The following KALRN variants were observed in gnomAD, a reference collection of about 807,000 sequenced individuals.
KALRN encodes the protein kalirin.
A neutral mutation model predicts 353.7 loss-of-function variants in KALRN; 70 were observed. The ratio of observed to expected loss-of-function variants is 0.20; its 90% confidence interval spans 0.16 to 0.24. The LOEUF (loss-of-function observed/expected upper bound fraction) is 0.24, where lower values mean the gene tolerates loss of function less well. KALRN is among the 10% of genes least tolerant of loss of function. The pLI is 1.00. For synonymous variants in KALRN, 1,391 were observed against 1,434.8 expected, an observed-to-expected ratio of 0.97 and a Z score of 0.69; for missense variants, 2,791 against 3,756.7, an observed-to-expected ratio of 0.74 and a Z score of 6.72.
At chr3:124,252,820 A>G (rs1018247380) in intron 3 of KALRN, among the ~76,000 whole-genome samples, 3 of 152,210 alleles carry the variant, frequency 2.0e-5, no homozygotes, top group Non-Finnish European at 4.4e-5. Flanking sequence ...TGAGCAGCAC[A>G]GGGAGCCCCA....
At chr3:124,521,930 G>A (rs1009878345) in intron 33 of KALRN, among the ~76,000 whole-genome samples, 2 of 152,082 alleles carry the variant, frequency 1.3e-5, no homozygotes, top group African/African-American at 4.8e-5. Flanking sequence ...TGGAGCTAGG[G>A]ACACAGCAGT....
chr3:124,583,635 C>T (rs1436666577), intron 34 of KALRN, among the ~76,000 whole-genome samples: 1 of 152,044 alleles, frequency 6.6e-6, no homozygotes, highest in East Asian at 1.9e-4. Context: ...AGAAACATGG[C>T]CTGAGAAGGG....
intron 1 of KALRN, among the ~76,000 whole-genome samples, chr3:124,055,028 A>C (rs1322684412): frequency 6.6e-6 from 1 of 152,188 alleles, no homozygotes; most frequent in Non-Finnish European, 1.5e-5. Context: ...AAGTGGGTGA[A>C]TTCCTCATCT....
intron 23 of KALRN, among the ~76,000 whole-genome samples, chr3:124,459,501 C>A (rs2059645224): frequency 6.6e-6 from 1 of 152,190 alleles, no homozygotes; most frequent in Admixed American, 6.6e-5. Flanking sequence ...TCAGAAAAGT[C>A]CTGACTCCAG....
chr3:124,601,433 A>G (rs921665505), intron 34 of KALRN, among the ~76,000 whole-genome samples: 1 of 152,206 alleles, frequency 6.6e-6, no homozygotes, highest in African/African-American at 2.4e-5. Flanking sequence ...GTCTCAAACT[A>G]TTGGCCTTTT....
chr3:124,038,342 G>T (rs150272656), intron 1 of KALRN, among the ~76,000 whole-genome samples: 129 of 152,216 alleles, frequency 8.5e-4, no homozygotes, highest in African/African-American at 3.0e-3. Flanking sequence ...TCAGCTACTT[G>T]CAGAGTTTAT....
chr3:124,122,067 A>C (rs769664151), intron 1 of KALRN, among the ~76,000 whole-genome samples: 2 of 152,176 alleles, frequency 1.3e-5, no homozygotes, highest in Admixed American at 6.5e-5. Flanking sequence ...GCACTTGCCA[A>C]ATGGTGAGAT....
intron 22 of KALRN, among the ~76,000 whole-genome samples, chr3:124,455,890 A>G (rs992858909): frequency 6.6e-6 from 1 of 152,218 alleles, no homozygotes; most frequent in African/African-American, 2.4e-5. Flanking sequence ...CTGTGAATTA[A>G]GAGCTTAATA....
chr3:124,110,475 A>ATG lies in KALRN; in HGVS notation c.73+76662_73+76663insTG, dbSNP rs1559977243. The stretch of plus-strand genomic sequence containing the variant: ...TTCATATATACACACGCGCGCACAC[A>ATG]CACACACACACACACACACACATTG... On this transcript the variant is annotated intron_variant, in intron 1 of 59. Transcript: ENST00000682506. Among the ~76,000 whole-genome samples the ATG allele has an allele frequency of 9.4e-4, 142 of 150,858 alleles. 1 individual carries two copies. Among genetic ancestry groups the ATG allele is most frequent in the African/African-American group, 3.2e-3 (129 of 40,858 alleles).
intron 10 of KALRN, among the ~76,000 whole-genome samples, chr3:124,367,652 A>G: frequency 8.9e-5 from 1 of 11,198 alleles, no homozygotes; most frequent in Non-Finnish European, 1.7e-4. Flanking sequence ...GACCGCCCCC[A>G]CCTCCCTCCC....
chr3:124,601,534 T>G (rs192776777), intron 34 of KALRN, among the ~76,000 whole-genome samples: 37 of 152,308 alleles, frequency 2.4e-4, no homozygotes, highest in Admixed American at 2.4e-3. Flanking sequence ...CAATTGTTAT[T>G]AAAAAGAGAT....
intron 11 of KALRN, among the ~76,000 whole-genome samples, chr3:124,390,609 A>G (rs3772736): frequency 0.022 from 3,298 of 152,262 alleles, 124 homozygotes; most frequent in East Asian, 0.094. Flanking sequence ...GATGTCCAGG[A>G]AAAATTATCT....
chr3:124,265,728 A>C (rs2073445064), intron 4 of KALRN, among the ~76,000 whole-genome samples: 1 of 152,222 alleles, frequency 6.6e-6, no homozygotes, highest in Admixed American at 6.5e-5. Flanking sequence ...ATATATACAC[A>C]TGTGCATAAA....
intron 57 of KALRN, among the ~76,000 whole-genome samples, chr3:124,704,226 G>A (rs565534068): frequency 2.0e-5 from 3 of 152,256 alleles, no homozygotes; most frequent in South Asian, 2.1e-4. Context: ...ATAATGGGCC[G>A]ATTAAATCCC....
chr3:124,652,626 G>T (rs2083537885), intron 38 of KALRN, among the ~76,000 whole-genome samples: 1 of 152,188 alleles, frequency 6.6e-6, no homozygotes. Flanking sequence ...GCCCAGGCCA[G>T]AGTGCAGTGG....
At chr3:124,662,193 CT>C (rs10549005) in intron 45 of KALRN, among the ~76,000 whole-genome samples, 17,097 of 96,816 alleles carry the variant, frequency 0.18, 1,249 homozygotes, top group African/African-American at 0.26. Context: ...ACCCAGAATT[CT>C]TTTTTTTTTT....
chr3:124,684,020 T>C (rs1267863747), intron 51 of KALRN, among the ~76,000 whole-genome samples: 1 of 152,230 alleles, frequency 6.6e-6, no homozygotes, highest in Non-Finnish European at 1.5e-5. Flanking sequence ...TCAATGGCAT[T>C]AAGTCCCTTC....
intron 13 of KALRN, among the ~76,000 whole-genome samples, chr3:124,412,866 G>A (rs1371032239): frequency 6.6e-6 from 1 of 152,198 alleles, no homozygotes. Context: ...AGGAACCAGA[G>A]CAGGACCCTT....
intron 33 of KALRN, among the ~76,000 whole-genome samples, chr3:124,510,582 A>G (rs79502493): frequency 6.6e-6 from 1 of 151,708 alleles, no homozygotes; most frequent in Admixed American, 6.6e-5. Context: ...TTGATGCGTC[A>G]TTGTCCTTTT....
Sources: gnomAD v4.1 joint callset for allele counts (sites outside exome capture counted in the v4.1 genomes callset) on GRCh38, gnomAD v4.1.1 for gene constraint, MANE v1.5 for transcripts, NCBI Gene and HGNC (gene_info 2026-07-23, HGNC 2026-07-21) for gene names.